The following MOV10 variants were observed in gnomAD, a reference collection of about 807,000 sequenced individuals.
MOV10 encodes the protein RNA helicase MOV-10.
A neutral mutation model predicts 108.4 loss-of-function variants in MOV10; 39 were observed. The ratio of observed to expected loss-of-function variants is 0.36; its 90% confidence interval spans 0.28 to 0.47. The LOEUF is 0.47. Among genes scored for constraint, MOV10 ranks in the 20% least tolerant of loss-of-function variants. The probability of loss-of-function intolerance (pLI) is 1.00; values close to 1 mark genes in which losing one functional copy is unlikely to be tolerated. For synonymous variants in MOV10, 490 were observed against 523.1 expected, an observed-to-expected ratio of 0.94 and a Z score of 0.86; for missense variants, 952 against 1,297.6, an observed-to-expected ratio of 0.73 and a Z score of 4.09.
chr1:112,688,362 A>G, intron 2 of MOV10: 2 of 990,188 alleles, frequency 2.0e-6, no homozygotes, highest in Non-Finnish European at 2.4e-6. Context: ...CTGGAGAAGG[A>G]TCCTTTCCCT....
rs1006066793 is a variant in MOV10, at chr1:112,691,323, C to T, written c.837-342C>T. Among the ~76,000 whole-genome samples the T allele has an allele frequency of 2.6e-5, 4 of 152,128 alleles. No homozygotes were observed. The East Asian group carries it at 7.7e-4, about 29-fold the overall frequency. The stretch of plus-strand genomic sequence containing the variant: ...ACTACATAATAGGACCTTCACAGAC[C>T]ATTGTGCTCTTTTTGTTGACTATAT... On this transcript the variant is annotated intron_variant, in intron 5 of 20. Transcript: ENST00000369645.
chr1:112,695,520 C>CT lies in MOV10; in HGVS notation c.1726dup (p.Tyr576LeufsTer15). 6.2e-7 allele frequency: 1 copy of CT among 1,614,216 alleles called. No homozygotes were observed. The highest frequency in any genetic ancestry group is 8.5e-7 in the Non-Finnish European group (1 of 1,180,034). On this transcript the variant is annotated frameshift_variant, in exon 11 of 21. Coordinates refer to ENST00000369645, the MANE Select transcript of MOV10 (RefSeq NM_001321324.2). LOFTEE classifies it high-confidence loss of function. ...TCCGGGTCCACCTTCCTAGCTCCAT[C>CT]TACCGCCTCCTGGCCCCCAGCAGGG...
chr1:112,690,265 C>A (rs188844886), intron 5 of MOV10, among the ~76,000 whole-genome samples, 167 bp downstream of exon 5: 4 of 152,266 alleles, frequency 2.6e-5, no homozygotes, highest in African/African-American at 7.2e-5. Flanking sequence ...TGCAGATGAA[C>A]TGCAGATCTG....
At chr1:112,698,202 T>C in intron 15 of MOV10, 85 bp from the exon 16 acceptor site, 1 of 1,597,404 alleles carries the variant, frequency 6.3e-7, no homozygotes, top group South Asian at 1.1e-5. Flanking sequence ...TGGCCTAGGA[T>C]CTCTTACTCT....
chr1:112,700,615 G>C lies in MOV10; in HGVS notation c.*108G>C, dbSNP rs754611538. The C allele has an allele frequency of 6.4e-7, 1 of 1,553,022 alleles. No homozygotes were observed. Among genetic ancestry groups the C allele is most frequent in the Non-Finnish European group, 8.7e-7 (1 of 1,149,198 alleles). ...TCCAAGGGACAGGAAGGCTGGGGGA[G>C]GGAGTTTACAACCCAAGCCATTCCA... On this transcript the variant is annotated 3_prime_UTR_variant, in exon 21 of 21. Transcript: ENST00000369645.
In MOV10 at chr1:112,674,745, A is replaced by G. The variant is rs897259505; in HGVS notation, c.-66+16A>G. The G allele has an allele frequency of 5.1e-6, 3 of 591,624 alleles. No individual in the cohort carries two copies. The South Asian group carries it at 6.8e-5, about 13-fold the overall frequency. 36.6% of individuals were successfully genotyped at this position (591,624 alleles called of 1,614,324 possible). A position where few individuals can be genotyped will look rare whatever the true frequency, so the allele number is the denominator to read the frequency against. On this transcript the variant is annotated intron_variant, in intron 1 of 20. Transcript: ENST00000369645. ...GAAAGCTCAGGTAAGAAAAGAACGGAGGAGGGAAGCCTGGTGGGGAGAAGG... is the reference window on the plus strand; with the variant it reads ...GAAAGCTCAGGTAAGAAAAGAACGGGGGAGGGAAGCCTGGTGGGGAGAAGG...
At chr1:112,693,370 T>C (rs1315272163) in intron 7 of MOV10, among the ~76,000 whole-genome samples, 2 of 152,110 alleles carry the variant, frequency 1.3e-5, no homozygotes, top group Non-Finnish European at 2.9e-5. Context: ...TTGAACAAGT[T>C]TTTTGTTGTT....
In MOV10 at chr1:112,699,990, T is replaced by C. The variant is rs766119268; in HGVS notation, c.2798+8T>C. The C allele has an allele frequency of 1.2e-6, 2 of 1,614,110 alleles. No individual in the cohort carries two copies. Among genetic ancestry groups the C allele is most frequent in the Non-Finnish European group, 1.7e-6 (2 of 1,179,978 alleles). Reference sequence around the variant, plus strand: ...TGACCCTGACTGGAAAGTGTGAGCATTCCCACCCCATTCTCCCTCTTAGTG... The same window carrying C: ...TGACCCTGACTGGAAAGTGTGAGCACTCCCACCCCATTCTCCCTCTTAGTG... On this transcript the variant is annotated splice_region_variant and intron_variant, in intron 19 of 20. Transcript: ENST00000369645.
chr1:112,685,212 C>T (rs1357279668), intron 2 of MOV10: 1 of 145,306 alleles, frequency 6.9e-6, no homozygotes, highest in Non-Finnish European at 1.5e-5. Flanking sequence ...TCACTATTGC[C>T]CAGGCTGGTC....
chr1:112,680,397 C>T (rs998979701), intron 2 of MOV10, among the ~76,000 whole-genome samples: 2 of 152,046 alleles, frequency 1.3e-5, no homozygotes, highest in African/African-American at 4.8e-5. Context: ...TGGCTCACGC[C>T]TGTAATCCCA....
At position 112,694,099 on chromosome 1, in the gene MOV10, G is replaced by A. The variant is rs554628721; in HGVS notation, c.1222G>A (p.Glu408Lys). The A allele has an allele frequency of 3.1e-6, 5 of 1,614,096 alleles. No homozygotes were observed. In the East Asian group the frequency reaches 1.1e-4, roughly 36 times the overall value. The change falls in exon 8 of 21, where the codon GAG (glutamate) becomes AAG (lysine). Residue 408 changes from glutamate to lysine, a missense_variant. Transcript: ENST00000369645. This position sits in a 1 kb window ranked among gnomAD's most constrained non-coding sequence, Gnocchi z 4.1. ...CCTTTTGTCCTCGGAGACACACCAG[G>A]AGGACCCCATCACATATAAGGGCTT... ...FALLSSETHQ[E>K]DPITYKGFVH...
chr1:112,689,578 T>C lies in MOV10; in HGVS notation c.505T>C (p.Phe169Leu), dbSNP rs753482453. The stretch of plus-strand genomic sequence containing the variant: ...CCAGTCTGTTACCCTCACTCACCTC[T>C]TCCCACTCTGCCGGACACCCCAGTT... ...GTQSVTLTHLFPLCRTPQFAF... is the reference protein window; with the variant it reads ...GTQSVTLTHLLPLCRTPQFAF... The change falls in exon 4 of 21, where the codon TTC becomes CTC. Residue 169 changes from phenylalanine (F) to leucine (L), a missense_variant. Phe to Leu is a conservative substitution (Grantham distance 22). Coordinates refer to ENST00000369645, the MANE Select transcript of MOV10 (RefSeq NM_001321324.2). 1.1e-5 allele frequency: 18 copies of C among 1,614,206 alleles called. No homozygotes were observed. In the South Asian group the frequency reaches 2.0e-4, roughly 18 times the overall value.
chr1:112,688,757 C>A, intron 2 of MOV10, 178 bp from the exon 3 acceptor site: 1 of 1,443,592 alleles, frequency 6.9e-7, no homozygotes, highest in African/African-American at 1.4e-5. Flanking sequence ...TCCCTGAAAA[C>A]ATTAAACATT....
intron 2 of MOV10, among the ~76,000 whole-genome samples, chr1:112,687,740 T>G (rs919860320): frequency 2.0e-5 from 3 of 152,152 alleles, no homozygotes; most frequent in African/African-American, 7.2e-5. Context: ...CCAAGCACTG[T>G]GCTAAGTGGT....
rs1467082344 is a variant in MOV10 at position 112,696,807 on chromosome 1, A to G, written c.2159A>G (p.Tyr720Cys). Residue 720 changes from tyrosine (Y) to cysteine (C), a missense_variant, in exon 14 of 21, where the codon TAT (tyrosine) becomes TGT (cysteine). Tyr to Cys is a radical substitution (Grantham distance 194). Coordinates refer to ENST00000369645, the MANE Select transcript of MOV10 (RefSeq NM_001321324.2). The part of the protein sequence containing the change: ...NSLYKKGPDG[Y>C]DPQFITKLLR... ...CTGTACAAGAAGGGCCCTGATGGCT[A>G]TGACCCCCAGTTCATAACCAAGCTG... 3 of 1,604,706 alleles carry G rather than the reference A, an allele frequency of 1.9e-6. No homozygotes were observed. The highest frequency in any genetic ancestry group is 1.3e-5 in the African/African-American group (1 of 74,816).
Position 112,696,706 on chromosome 1 carries a change from T to C in MOV10, c.2058T>C (p.Pro686=), listed in dbSNP as rs1189285969. ...VLAGDPRQLG[P]VLRSPLTQKH... ...CAGGAGACCCTCGGCAGCTGGGGCC[T>C]GTGCTGCGTTCCCCACTGACCCAGA... The change falls in exon 14 of 21, where the codon CCT becomes CCC. Residue 686 remains proline (P), a synonymous_variant. Transcript: ENST00000369645. The C allele has an allele frequency of 1.9e-6, 3 of 1,607,742 alleles. No homozygotes were observed. The highest frequency in any genetic ancestry group is 4.5e-5 in the East Asian group (2 of 44,676).
chr1:112,694,428 T>A lies in MOV10; in HGVS notation c.1296-25T>A, dbSNP rs745349897. On this transcript the variant is annotated intron_variant, in intron 8 of 20. Coordinates refer to ENST00000369645, the MANE Select transcript of MOV10 (RefSeq NM_001321324.2). This position sits in a 1 kb window ranked among gnomAD's most constrained non-coding sequence, Gnocchi z 4.1. ...GCCCACCTCCCCTGCCCCAACAAACTCTTACCACCTCTCTCTGCCCAAAGC... is the reference window on the plus strand; with the variant it reads ...GCCCACCTCCCCTGCCCCAACAAACACTTACCACCTCTCTCTGCCCAAAGC... 6.2e-7 allele frequency: 1 copy of A among 1,613,468 alleles called. No homozygotes were observed. Among genetic ancestry groups the A allele is most frequent in the South Asian group, 1.1e-5 (1 of 91,036 alleles).
chr1:112,685,582 G>A (rs1673008758), intron 2 of MOV10, among the ~76,000 whole-genome samples: 1 of 151,610 alleles, frequency 6.6e-6, no homozygotes, highest in African/African-American at 2.4e-5. Flanking sequence ...TTGAACCCGG[G>A]AGGCAGAGGT....
chr1:112,677,994 G>A (rs770548407), intron 2 of MOV10, among the ~76,000 whole-genome samples: 6 of 152,120 alleles, frequency 3.9e-5, no homozygotes, highest in Non-Finnish European at 5.9e-5. Flanking sequence ...ATCTAGTAAA[G>A]AGCAGCAGAT....
Sources: gnomAD v4.1 joint callset for allele counts (sites outside exome capture counted in the v4.1 genomes callset) on GRCh38, gnomAD v4.1.1 for gene constraint, Gnocchi (gnomAD v3.1) non-coding constraint, MANE v1.5 for transcripts, NCBI Gene and HGNC (gene_info 2026-07-23, HGNC 2026-07-21) for gene names.